Variants in OXR1 observed in about 807,000 individuals in gnomAD.
OXR1 encodes the protein oxidation resistance 1, also known as oxidation resistance protein 1.
OXR1 carries 41 observed loss-of-function variants against 104.6 expected under a neutral mutation model. That is an observed-to-expected ratio of 0.39 (90% CI 0.31 to 0.51). OXR1 has a LOEUF of 0.51. Among genes scored for constraint, OXR1 ranks in the 20% least tolerant of loss-of-function variants. OXR1 has a pLI of 0.77. For missense variants in OXR1, 955 were observed against 1,031.9 expected (o/e 0.93, Z 1.02); for synonymous variants, 348 against 348.4 (o/e 1.00, Z 0.01).
intron 1 of OXR1, among the ~76,000 whole-genome samples, chr8:106,286,203 T>C (rs1387645973): frequency 1.3e-5 from 2 of 152,162 alleles, no homozygotes; most frequent in African/African-American, 4.8e-5. Flanking sequence ...ATCATTGTTA[T>C]CCAGTGGAGG....
intron 2 of OXR1, among the ~76,000 whole-genome samples, chr8:106,385,924 T>C (rs1467980953): frequency 2.6e-5 from 4 of 152,214 alleles, no homozygotes; most frequent in African/African-American, 7.2e-5. Context: ...GCTAGACTTC[T>C]ACCTGTGCTC....
Position 106,339,739 on chromosome 8 carries a change from C to G in OXR1, c.-138-19737C>G, listed in dbSNP as rs1440359761. 2.0e-5 allele frequency among the ~76,000 whole-genome samples: 3 copies of G among 150,918 alleles called. No homozygotes were observed. The East Asian group carries it at 5.8e-4, about 29-fold the overall frequency. On this transcript the variant is annotated intron_variant, in intron 1 of 16. Transcript: ENST00000517566. ...TTTCTTCCTTTGATAAAAAAAAATA[C>G]TTCTTTCTATGCTAAATGGGATATT...
rs931883715 is a variant in OXR1, at chr8:106,679,742, A to C, written c.303+450A>C. Among the ~76,000 whole-genome samples the C allele has an allele frequency of 3.3e-5, 5 of 151,696 alleles. No homozygotes were observed. The East Asian group carries it at 9.6e-4, about 29-fold the overall frequency. On this transcript the variant is annotated intron_variant, in intron 4 of 16. Transcript: ENST00000517566. ...TATTTATTTATAGCTAACTCCCTTT[A>C]GCTCTAAACATTGAGCTTTTTTTTT...
At chr8:106,528,286 T>C (rs1563582965) in intron 3 of OXR1, among the ~76,000 whole-genome samples, 1 of 152,238 alleles carries the variant, frequency 6.6e-6, no homozygotes, top group Admixed American at 6.5e-5. Flanking sequence ...TGTCAAAATA[T>C]TAAGTTGGGA....
At chr8:106,449,966 A>G (rs1242173485) in intron 2 of OXR1, among the ~76,000 whole-genome samples, 1 of 152,188 alleles carries the variant, frequency 6.6e-6, no homozygotes, top group South Asian at 2.1e-4. Flanking sequence ...AAATAACAAT[A>G]TAAACATTAC....
chr8:106,322,332 C>T (rs377107238), intron 1 of OXR1, among the ~76,000 whole-genome samples: 15 of 152,198 alleles, frequency 9.9e-5, no homozygotes, highest in East Asian at 1.9e-4. Context: ...AAAAGGCTTT[C>T]GATAAAATTC....
At chr8:106,447,804 T>C (rs1439936079) in intron 2 of OXR1, 1 of 1,079,936 alleles carries the variant, frequency 9.3e-7, no homozygotes, top group African/African-American at 1.6e-5. Flanking sequence ...GAACGGCATA[T>C]TCTTTGGGTG....
chr8:106,572,739 C>G (rs1817561586), intron 3 of OXR1, among the ~76,000 whole-genome samples: 1 of 152,186 alleles, frequency 6.6e-6, no homozygotes, highest in Admixed American at 6.5e-5. Flanking sequence ...TAGAATCACC[C>G]TTTACATCTA....
chr8:106,414,430 G>A (rs571924278), intron 2 of OXR1, among the ~76,000 whole-genome samples: 5 of 152,210 alleles, frequency 3.3e-5, no homozygotes, highest in African/African-American at 9.6e-5. Flanking sequence ...ATTGTGACAC[G>A]ATTATTATAT....
At chr8:106,379,624 G>A (rs1390996214) in intron 2 of OXR1, among the ~76,000 whole-genome samples, 5 of 133,888 alleles carry the variant, frequency 3.7e-5, no homozygotes, top group Admixed American at 3.5e-4. Flanking sequence ...TGCAACCTCC[G>A]CCTCCCAGGT....
chr8:106,602,701 A>G (rs1414032846), intron 3 of OXR1, among the ~76,000 whole-genome samples: 1 of 152,138 alleles, frequency 6.6e-6, no homozygotes, highest in East Asian at 1.9e-4. Context: ...ATATGTATGC[A>G]TGTTGTATTA....
intron 2 of OXR1, among the ~76,000 whole-genome samples, chr8:106,462,219 T>C (rs1415727436): frequency 6.6e-6 from 1 of 152,160 alleles, no homozygotes; most frequent in Non-Finnish European, 1.5e-5. Flanking sequence ...TTTAGAGAAC[T>C]TAAGTTAGAT....
intron 3 of OXR1, among the ~76,000 whole-genome samples, chr8:106,620,805 A>G (rs1219573551): frequency 1.3e-5 from 2 of 152,202 alleles, no homozygotes; most frequent in East Asian, 3.8e-4. Flanking sequence ...AATTAAGACA[A>G]TTAGTAAAAA....
chr8:106,415,615 TC>T (rs1307874012), intron 2 of OXR1, among the ~76,000 whole-genome samples: 1 of 151,658 alleles, frequency 6.6e-6, no homozygotes, highest in Non-Finnish European at 1.5e-5. Flanking sequence ...ATTGCTTCCT[TC>T]TCGGGAACAG....
At chr8:106,352,893 G>A (rs1048494347) in intron 1 of OXR1, among the ~76,000 whole-genome samples, 1 of 152,114 alleles carries the variant, frequency 6.6e-6, no homozygotes. Context: ...TACTCTATAA[G>A]CATAGATTTC....
intron 3 of OXR1, among the ~76,000 whole-genome samples, chr8:106,545,652 A>C (rs1214344601): frequency 6.6e-6 from 1 of 152,200 alleles, no homozygotes; most frequent in Admixed American, 6.5e-5. Flanking sequence ...AATTGCCTCA[A>C]AACTGACTTT....
chr8:106,320,183 G>T (rs1363457455), intron 1 of OXR1, among the ~76,000 whole-genome samples: 1 of 152,118 alleles, frequency 6.6e-6, no homozygotes. Flanking sequence ...ATGAAGTTTA[G>T]CCCCTCATTC....
chr8:106,359,635 T>C lies in OXR1; in HGVS notation c.22T>C (p.Trp8Arg). Residue 8 changes from tryptophan to arginine, a missense_variant and splice_region_variant, in exon 2 of 17, where the codon TGG (tryptophan) becomes CGG (arginine). By Grantham distance (101) the Trp-to-Arg change is moderately radical. This residue lies in a region of OXR1 where 849 missense variants were observed against 852.9 expected (regional missense o/e 1.00). Transcript: ENST00000517566. MSVSNLS[W>R]LKKKSQSVDI... Reference sequence around the variant, plus strand: ...TGCAATGTCTGTGTCTAATCTATCATGGTGAGTGAATGGTTTTCTTGCCTT... The same window carrying C: ...TGCAATGTCTGTGTCTAATCTATCACGGTGAGTGAATGGTTTTCTTGCCTT... 1 of 1,545,622 alleles carries C rather than the reference T, an allele frequency of 6.5e-7. No homozygotes were observed. The highest frequency in any genetic ancestry group is 8.8e-7 in the Non-Finnish European group (1 of 1,141,250).
chr8:106,377,106 G>T (rs961251939), intron 2 of OXR1, among the ~76,000 whole-genome samples: 1 of 152,134 alleles, frequency 6.6e-6, no homozygotes, highest in African/African-American at 2.4e-5. Context: ...GAGAACTACA[G>T]TCAAATTATT....
Sources: allele counts gnomAD v4.1 joint callset (sites outside exome capture counted in the v4.1 genomes callset), GRCh38; gene constraint gnomAD v4.1.1; regional missense constraint gnomAD v4.1.1; transcripts MANE v1.5; gene names NCBI Gene and HGNC (gene_info 2026-07-23, HGNC 2026-07-21).